Variants in AVEN observed in about 807,000 individuals in gnomAD.
AVEN encodes apoptosis and caspase activation inhibitor.
A neutral mutation model predicts 38.1 loss-of-function variants in AVEN; 41 were observed. The ratio of observed to expected loss-of-function variants is 1.08; its 90% confidence interval spans 0.84 to 1.40. The LOEUF (loss-of-function observed/expected upper bound fraction) is 1.40. Ranked by LOEUF, AVEN falls within the 40% of genes most tolerant of loss-of-function variation. The pLI, the probability that AVEN is intolerant of heterozygous loss-of-function variation, is 0.00. For missense variants in AVEN, 605 were observed against 438.8 expected, an observed-to-expected ratio of 1.38 and a Z score of -3.38; for synonymous variants, 206 against 171.8, an observed-to-expected ratio of 1.20 and a Z score of -1.56.
In AVEN at chr15:33,990,061, G is replaced by A. The variant is rs370203759; in HGVS notation, c.445+12971C>T. On this transcript the variant is annotated intron_variant, in intron 2 of 5. Transcript: ENST00000306730. ...CTACTAAAAATACACAAAATTAGCC[G>A]GGCGTGGTGGTGGGCGCCTATAATC... 1.8e-4 allele frequency among the ~76,000 whole-genome samples: 27 copies of A among 151,724 alleles called. 1 individual carries two copies. Among genetic ancestry groups the A allele is most frequent in the Admixed American group, 7.9e-4 (12 of 15,228 alleles).
At chr15:34,073,474 C>A (rs1025224032) in intron 1 of AVEN, among the ~76,000 whole-genome samples, 8 of 150,334 alleles carry the variant, frequency 5.3e-5, no homozygotes, top group Middle Eastern at 3.2e-3. Flanking sequence ...AATCATAAGG[C>A]TTCGAGTAAC....
At chr15:33,953,630 A>C (rs1352687834) in intron 2 of AVEN, among the ~76,000 whole-genome samples, 1 of 152,248 alleles carries the variant, frequency 6.6e-6, no homozygotes, top group East Asian at 1.9e-4. Context: ...CTTTATACAA[A>C]AATTATTTCA....
downstream of AVEN, chr15:33,865,286 C>CT (rs1890125795): frequency 2.5e-6 from 3 of 1,207,010 alleles, no homozygotes; most frequent in African/African-American, 3.0e-5. Context: ...ATAAAGTCCC[C>CT]TTTTTACAGT....
At chr15:34,057,065 C>G (rs1318175697) in intron 5 of AVEN, among the ~76,000 whole-genome samples, 1 of 151,942 alleles carries the variant, frequency 6.6e-6, no homozygotes, top group Non-Finnish European at 1.5e-5. Flanking sequence ...AAAATATTGC[C>G]TTATTATTTT....
intron 2 of AVEN, among the ~76,000 whole-genome samples, chr15:33,894,523 A>T (rs1305933299): frequency 6.7e-6 from 1 of 149,596 alleles, no homozygotes; most frequent in Non-Finnish European, 1.5e-5. Context: ...CTTAAAAAAA[A>T]AAAAAAAAAA....
intron 5 of AVEN, among the ~76,000 whole-genome samples, chr15:34,047,366 C>T (rs1190863845): frequency 1.3e-4 from 20 of 152,134 alleles, no homozygotes; most frequent in Non-Finnish European, 5.9e-5. Flanking sequence ...CGTGAGCCAC[C>T]GTGCCCGGCG....
chr15:34,032,534 C>T (rs981674501), intron 1 of AVEN, among the ~76,000 whole-genome samples: 5 of 152,100 alleles, frequency 3.3e-5, no homozygotes, highest in African/African-American at 1.2e-4. Context: ...AACAAAAAAG[C>T]TCTGAATGAA....
At chr15:34,000,030 C>G (rs1318727879) in intron 2 of AVEN, among the ~76,000 whole-genome samples, 1 of 152,192 alleles carries the variant, frequency 6.6e-6, no homozygotes, top group Non-Finnish European at 1.5e-5. Flanking sequence ...TTGCGATTCC[C>G]TATCCTCCTA....
rs1402812936 is a variant in AVEN, at chr15:33,876,925, TTAA to T, written c.446-933_446-931del. Among the ~76,000 whole-genome samples, 3 of 152,244 alleles carry T rather than the reference TTAA, an allele frequency of 2.0e-5. No homozygotes were observed. In the East Asian group the frequency reaches 5.8e-4, roughly 29 times the overall value. ...AAAAGCTCCCCACATTTTTATAAAT[TTAA>T]TCTCCTTCCCACATGACTTTTTGAT... On this transcript the variant is annotated intron_variant, in intron 2 of 5. Transcript: ENST00000306730.
At chr15:33,858,714 C>T (rs1411061285), downstream of AVEN, 3 of 143,368 alleles carry the variant, frequency 2.1e-5, no homozygotes, top group Admixed American at 7.2e-5. Flanking sequence ...CAGGCCAGAT[C>T]TTCGTGAGAA....
At chr15:33,966,210 A>G (rs1185171552) in intron 2 of AVEN, among the ~76,000 whole-genome samples, 2 of 152,156 alleles carry the variant, frequency 1.3e-5, no homozygotes, top group Non-Finnish European at 2.9e-5. Flanking sequence ...GTGTTCTCCT[A>G]TGTTGACATT....
At chr15:33,899,070 T>G (rs576550795) in intron 2 of AVEN, among the ~76,000 whole-genome samples, 1 of 152,120 alleles carries the variant, frequency 6.6e-6, no homozygotes, top group South Asian at 2.1e-4. Context: ...ACTGGAAAGG[T>G]AGGTGGGGAC....
chr15:34,048,941 C>T lies in AVEN; in HGVS notation n.1637+13981G>A, dbSNP rs1006792829. On this transcript the variant is annotated intron_variant and non_coding_transcript_variant, in intron 5 of 11. Transcript: ENST00000675287. The stretch of plus-strand genomic sequence containing the variant: ...GTGACTAGGGTCTGGAGTGGACCCA[C>T]GGCAAACTGCAGCAGCCCTGTGGAA... Among the ~76,000 whole-genome samples the T allele has an allele frequency of 2.0e-5, 3 of 152,150 alleles. No individual in the cohort carries two copies. In the East Asian group the frequency reaches 5.8e-4, roughly 29 times the overall value.
chr15:33,864,358 C>T (rs1273160626), downstream of AVEN, among the ~76,000 whole-genome samples: 2 of 151,804 alleles, frequency 1.3e-5, no homozygotes, highest in Non-Finnish European at 3.0e-5. Context: ...TCCTGTTTAT[C>T]CTTCCCAACA....
Position 34,056,192 on chromosome 15 carries a change from G to A in AVEN, n.1637+6730C>T, listed in dbSNP as rs1335590945. Among the ~76,000 whole-genome samples the A allele has an allele frequency of 2.6e-5, 4 of 152,200 alleles. No individual in the cohort carries two copies. In the South Asian group the frequency reaches 6.2e-4, roughly 24 times the overall value. Reference sequence around the variant, plus strand: ...AATAGTTTCCAGTGTTTTCTACTGTGAGCCTATAAGAAGAGCCTGAAAGCA... The same window carrying A: ...AATAGTTTCCAGTGTTTTCTACTGTAAGCCTATAAGAAGAGCCTGAAAGCA... On this transcript the variant is annotated intron_variant and non_coding_transcript_variant, in intron 5 of 11. Coordinates refer to the AVEN transcript ENST00000675287.
chr15:33,954,708 C>T (rs1009365612), intron 2 of AVEN, among the ~76,000 whole-genome samples: 4 of 151,786 alleles, frequency 2.6e-5, no homozygotes, highest in Admixed American at 6.6e-5. Context: ...ATGTAAACGA[C>T]GAGTTAATGG....
At chr15:33,882,854 C>T (rs117425895) in intron 2 of AVEN, among the ~76,000 whole-genome samples, 2,353 of 152,158 alleles carry the variant, frequency 0.015, 28 homozygotes, top group Middle Eastern at 0.037. Flanking sequence ...GCCTGGGTGA[C>T]GGAACAAGAC....
chr15:34,027,424 G>A (rs1898533791), intron 1 of AVEN, among the ~76,000 whole-genome samples: 2 of 151,916 alleles, frequency 1.3e-5, no homozygotes, highest in Admixed American at 1.3e-4. Flanking sequence ...AGCTACACAG[G>A]AGGCTGAGGC....
At chr15:33,895,265 A>G (rs1892186148) in intron 2 of AVEN, among the ~76,000 whole-genome samples, 1 of 114,606 alleles carries the variant, frequency 8.7e-6, no homozygotes, top group Non-Finnish European at 1.9e-5. Flanking sequence ...AATGGTTTAT[A>G]TTTTCTACTT....
Sources: gnomAD v4.1 joint callset for allele counts (sites outside exome capture counted in the v4.1 genomes callset) on GRCh38, gnomAD v4.1.1 for gene constraint, MANE v1.5 for transcripts, NCBI Gene and HGNC (gene_info 2026-07-23, HGNC 2026-07-21) for gene names.